The following MORN1 variants were observed in gnomAD, a reference collection of about 807,000 sequenced individuals.
MORN1 encodes the protein MORN repeat containing 1, also known as MORN repeat-containing protein 1.
MORN1 carries 67 observed loss-of-function variants against 61.9 expected under a neutral mutation model. The observed-to-expected ratio is 1.08, with a 90% CI of 0.89 to 1.33. MORN1 has a LOEUF of 1.33. Among genes scored for constraint, MORN1 ranks in the 40% most tolerant of loss-of-function variants. The probability of loss-of-function intolerance (pLI) is 0.00; values close to 1 mark genes in which losing one functional copy is unlikely to be tolerated. For missense variants in MORN1, 752 were observed against 691.2 expected (o/e 1.09, Z -0.99); for synonymous variants, 301 against 292.0 (o/e 1.03, Z -0.31).
chr1:2,332,553 A>G (rs1641180282), intron 12 of MORN1: 1 of 454,688 alleles, frequency 2.2e-6, no homozygotes, highest in Non-Finnish European at 4.4e-6. Context: ...TGATGGGGGA[A>G]TGGGCAGTGC....
rs1001973018 is a variant in MORN1 at position 2,331,832 on chromosome 1, C to G, written c.1250+4637G>C. ...CTGCGCCTCTCCCGCCGCTGCGCCT[C>G]TCCCTCGTGCGGCTCTCCCGCCCCT... On this transcript the variant is annotated intron_variant, in intron 12 of 13. Coordinates refer to ENST00000378531, the MANE Select transcript of MORN1 (RefSeq NM_024848.3). 2.1e-5 allele frequency among the ~76,000 whole-genome samples: 3 copies of G among 143,240 alleles called. No homozygotes were observed. The South Asian group carries it at 6.6e-4, about 32-fold the overall frequency. The allele number at this position is 143,240 out of a possible 152,430, so 94.0% of individuals were successfully genotyped here.
intron 5 of MORN1, chr1:2,385,301 T>C: frequency 3.5e-6 from 2 of 566,706 alleles, no homozygotes; most frequent in Non-Finnish European, 6.3e-6. Context: ...CGGGACGCAC[T>C]CAGCTTCCGC....
intron 6 of MORN1, among the ~76,000 whole-genome samples, chr1:2,380,035 T>C (rs1009079486): frequency 6.6e-6 from 1 of 151,654 alleles, no homozygotes; most frequent in Non-Finnish European, 1.5e-5. Flanking sequence ...GTGGTGGTGG[T>C]GGGGGGTGCG....
chr1:2,373,809 A>G (rs1005890740), intron 7 of MORN1, among the ~76,000 whole-genome samples: 1 of 152,040 alleles, frequency 6.6e-6, no homozygotes, highest in Non-Finnish European at 1.5e-5. Context: ...GTCACCCGTC[A>G]CCCCTGTGAC....
chr1:2,385,763 G>C, intron 5 of MORN1, 44 bp downstream of exon 5: 1 of 1,565,142 alleles, frequency 6.4e-7, no homozygotes, highest in Non-Finnish European at 8.8e-7. Context: ...CCTGCCCTGT[G>C]TATCTGTCAT....
chr1:2,374,522 GC>G lies in MORN1; in HGVS notation c.572del (p.Gly191AlafsTer28). 1.2e-6 allele frequency: 2 copies of G among 1,603,064 alleles called. No individual in the cohort carries two copies. Among genetic ancestry groups the G allele is most frequent in the East Asian group, 4.5e-5 (2 of 44,548 alleles). On this transcript the variant is annotated frameshift_variant, in exon 7 of 14. Transcript: ENST00000378531. LOFTEE classifies it high-confidence loss of function. ...TGACCCCTGAGCAGTGGGCCATGCT[GC>G]CCAGTCCACTGAAGACGTCGCTGTG... ...QWHSDVFSGL[G>X]SMAHCSGVTY...
chr1:2,361,160 A>C (rs1330028924), intron 8 of MORN1, among the ~76,000 whole-genome samples: 2 of 152,256 alleles, frequency 1.3e-5, no homozygotes, highest in Non-Finnish European at 2.9e-5. Context: ...AAACCGGTCC[A>C]AAACTGACAC....
intron 10 of MORN1, chr1:2,355,362 T>G: frequency 6.5e-7 from 1 of 1,532,726 alleles, no homozygotes; most frequent in Non-Finnish European, 8.8e-7. Flanking sequence ...CCACCTGGGA[T>G]GCCTGCATGC....
At chr1:2,338,124 C>T (rs1023599495) in intron 10 of MORN1, among the ~76,000 whole-genome samples, 1 of 152,184 alleles carries the variant, frequency 6.6e-6, no homozygotes. Context: ...GACCTTGGGG[C>T]TGGAGGCATT....
Position 2,336,552 on chromosome 1 carries a change from G to A in MORN1, c.1171-4C>T, listed in dbSNP as rs1641283516. On this transcript the variant is annotated splice_region_variant and splice_polypyrimidine_tract_variant and intron_variant, in intron 11 of 13. Transcript: ENST00000378531. Reference sequence around the variant, plus strand: ...CTCTGGATCTGCCGCCTGCCTTCTAGAAAGATTGGGCAGGAGGAGGGGAGA... The same window carrying A: ...CTCTGGATCTGCCGCCTGCCTTCTAAAAAGATTGGGCAGGAGGAGGGGAGA... 2 of 1,612,516 alleles carry A rather than the reference G, an allele frequency of 1.2e-6. No homozygotes were observed. The highest frequency in any genetic ancestry group is 1.1e-5 in the South Asian group (1 of 91,056).
Position 2,358,729 on chromosome 1 carries a change from G to A in MORN1, c.746-14C>T, listed in dbSNP as rs2100307565. ...GGCCGCTCTCGCCTTCCAGGAGAGA[G>A]GAGCAGGCAGTGAACACTCACAGGC... is the stretch of plus-strand genomic sequence containing the variant. On this transcript the variant is annotated splice_polypyrimidine_tract_variant and intron_variant, in intron 8 of 13. Transcript: ENST00000378531. 1.2e-6 allele frequency: 2 copies of A among 1,602,188 alleles called. No homozygotes were observed. Among genetic ancestry groups the A allele is most frequent in the Non-Finnish European group, 8.5e-7 (1 of 1,173,612 alleles).
chr1:2,333,938 G>A (rs10218501), intron 12 of MORN1, among the ~76,000 whole-genome samples: 3,567 of 152,282 alleles, frequency 0.023, 149 homozygotes, highest in African/African-American at 0.081. Flanking sequence ...CGAAAAGTGG[G>A]CTCTTTGGGC....
intron 8 of MORN1, chr1:2,363,157 A>C (rs560339621): frequency 6.6e-6 from 1 of 152,366 alleles, no homozygotes; most frequent in South Asian, 2.1e-4. Context: ...TATGAACATA[A>C]AATGTATGAA....
At chr1:2,347,082 C>G (rs1641535167) in intron 10 of MORN1, among the ~76,000 whole-genome samples, 1 of 152,154 alleles carries the variant, frequency 6.6e-6, no homozygotes, top group Non-Finnish European at 1.5e-5. Context: ...ATGGGGAGCT[C>G]TTGGGAGATG....
chr1:2,335,760 T>C (rs2100251353), intron 12 of MORN1, among the ~76,000 whole-genome samples: 1 of 150,610 alleles, frequency 6.6e-6, no homozygotes, highest in East Asian at 1.9e-4. Context: ...CTCCACAGTG[T>C]GCGGGGCCAG....
rs1395654995 is a variant in MORN1 at position 2,337,700 on chromosome 1, C to T, written c.1037-850G>A. ...GAGCAGCTCGGAGCTGTCCTGACAC[C>T]GCTGCCCCGAGGGCCCCCCACTTGC... On this transcript the variant is annotated intron_variant, in intron 10 of 13. Coordinates refer to ENST00000378531, the MANE Select transcript of MORN1 (RefSeq NM_024848.3). This position sits in a 1 kb window ranked among gnomAD's most constrained non-coding sequence, Gnocchi z 5.7. 2.0e-5 allele frequency among the ~76,000 whole-genome samples: 3 copies of T among 152,164 alleles called. No individual in the cohort carries two copies. Among genetic ancestry groups the T allele is most frequent in the African/African-American group, 4.8e-5 (2 of 41,432 alleles).
intron 12 of MORN1, among the ~76,000 whole-genome samples, chr1:2,325,127 C>CT (rs1640982703): frequency 3.6e-5 from 2 of 56,142 alleles, no homozygotes; most frequent in Non-Finnish European, 6.4e-5. Context: ...CCTTCCCTTC[C>CT]TTCCTTCCCT....
intron 8 of MORN1, among the ~76,000 whole-genome samples, chr1:2,368,023 A>G (rs184662318): frequency 1.8e-4 from 28 of 152,332 alleles, no homozygotes; most frequent in African/African-American, 6.0e-4. Context: ...AAAAGCAACA[A>G]AAAGAAAAAG....
At chr1:2,338,525 C>T (rs1641329375) in intron 10 of MORN1, among the ~76,000 whole-genome samples, 1 of 152,192 alleles carries the variant, frequency 6.6e-6, no homozygotes, top group Admixed American at 6.5e-5. Flanking sequence ...CATGCGGACA[C>T]CCTCACCCTC....
Sources: allele counts gnomAD v4.1 joint callset (sites outside exome capture counted in the v4.1 genomes callset), GRCh38; gene constraint gnomAD v4.1.1; non-coding constraint Gnocchi (gnomAD v3.1); transcripts MANE v1.5; gene names NCBI Gene and HGNC (gene_info 2026-07-23, HGNC 2026-07-21).